IL34: variants seen among roughly 807,000 people sequenced by gnomAD.
The protein encoded by IL34 is interleukin 34.
Under a neutral mutation model 25.3 loss-of-function variants are expected in IL34, and 17 were observed. The ratio of observed to expected loss-of-function variants is 0.67; its 90% CI spans 0.46 to 1.01. The LOEUF is 1.01. Among genes scored for constraint, IL34 ranks in the 50% least tolerant of loss-of-function variants. IL34 has a pLI of 0.00. For missense variants in IL34, 368 were observed against 312.9 expected (o/e 1.18, Z -1.33); for synonymous variants, 174 against 140.9 (o/e 1.23, Z -1.66).
Position 70,654,691 on chromosome 16 carries a change from C to A in IL34, c.162+20C>A. ...TACATGGTAACCACGTGGGCACCAG[C>A]TGTGTCCCTGTCCCCGCGTCCCGGG... On this transcript the variant is annotated intron_variant, in intron 2 of 5. Coordinates refer to ENST00000288098, the MANE Select transcript of IL34 (RefSeq NM_001393494.1). 3 of 1,587,734 alleles carry A rather than the reference C, an allele frequency of 1.9e-6. No homozygotes were observed. The highest frequency in any genetic ancestry group is 1.7e-4 in the Middle Eastern group (1 of 5,962).
intron 1 of IL34, among the ~76,000 whole-genome samples, chr16:70,617,659 G>A (rs1458617927): frequency 6.6e-6 from 1 of 152,154 alleles, no homozygotes; most frequent in Non-Finnish European, 1.5e-5. Flanking sequence ...TTTTAAGTTG[G>A]TGGCTGAGCT....
intron 1 of IL34, among the ~76,000 whole-genome samples, chr16:70,651,587 G>A (rs1331155901): frequency 1.3e-5 from 2 of 152,058 alleles, no homozygotes; most frequent in East Asian, 1.9e-4. Flanking sequence ...CCTGAGCAGG[G>A]CAGGTTTGGA....
intron 1 of IL34, among the ~76,000 whole-genome samples, chr16:70,608,971 C>G (rs1266047859): frequency 6.6e-6 from 1 of 152,142 alleles, no homozygotes. Context: ...ATCATGCCTT[C>G]CTTCCATGTG....
rs577268321 is a variant in IL34 at position 70,637,187 on chromosome 16, G to C, written c.-400-9361G>C. On this transcript the variant is annotated intron_variant, in intron 1 of 6. Coordinates refer to the IL34 transcript ENST00000429149. Reference sequence around the variant, plus strand: ...CCCTTCCCCATTTTTAATTTTTTCAGTTTATTTTTTCTTTTTGCCTCTAGC... The same window carrying C: ...CCCTTCCCCATTTTTAATTTTTTCACTTTATTTTTTCTTTTTGCCTCTAGC... 1.4e-4 allele frequency among the ~76,000 whole-genome samples: 21 copies of C among 151,884 alleles called. No homozygotes were observed. The South Asian group carries it at 1.5e-3, about 11-fold the overall frequency.
At chr16:70,636,585 TCACACACACACACACA>T (rs34816911) in intron 1 of IL34, among the ~76,000 whole-genome samples, 28 of 136,480 alleles carry the variant, frequency 2.1e-4, no homozygotes, top group East Asian at 1.3e-3. Context: ...GCAAACCCTG[TCACACACACACACACA>T]CACACACACA....
Position 70,656,981 on chromosome 16 carries a change from C to G in IL34, c.262C>G (p.Arg88Gly). Residue 88 changes from arginine to glycine, a missense_variant, in exon 4 of 6, where the codon CGG (arginine) becomes GGG (glycine). Arg to Gly is a moderately radical substitution (Grantham distance 125, BLOSUM62 -2). Coordinates refer to ENST00000288098, the MANE Select transcript of IL34 (RefSeq NM_001393494.1). ...GCAGCAGAGGGCCCAGGTGAGCGAG[C>G]GGGAGCTGCGGTATCTGTGGGTCTT... The part of the protein sequence containing the change: ...TRLQRAQVSE[R>G]ELRYLWVLVS... 1 of 1,609,940 alleles carries G rather than the reference C, an allele frequency of 6.2e-7. No individual in the cohort carries two copies. Among genetic ancestry groups the G allele is most frequent in the South Asian group, 1.1e-5 (1 of 90,768 alleles).
chr16:70,617,197 G>C (rs2051186308), intron 1 of IL34, among the ~76,000 whole-genome samples: 1 of 152,222 alleles, frequency 6.6e-6, no homozygotes, highest in Admixed American at 6.5e-5. Flanking sequence ...AAACTAAATG[G>C]AATAAGAGAA....
chr16:70,594,996 C>T (rs901423727), intron 1 of IL34, among the ~76,000 whole-genome samples: 2 of 151,034 alleles, frequency 1.3e-5, no homozygotes, highest in African/African-American at 4.9e-5. Context: ...CCTCTGTCGC[C>T]CAGGCTGGAG....
chr16:70,621,081 C>T (rs928139769), intron 1 of IL34, among the ~76,000 whole-genome samples: 4 of 152,008 alleles, frequency 2.6e-5, no homozygotes, highest in Non-Finnish European at 5.9e-5. Context: ...TTAGGGGGTT[C>T]TTGCCCCCTA....
chr16:70,650,650 C>G (rs943962558), intron 1 of IL34, among the ~76,000 whole-genome samples: 1 of 152,134 alleles, frequency 6.6e-6, no homozygotes. Context: ...CCTTGTGGAC[C>G]AGAGGTGGCT....
chr16:70,627,620 CACCAT>C (rs2051425145), intron 1 of IL34, among the ~76,000 whole-genome samples: 1 of 152,116 alleles, frequency 6.6e-6, no homozygotes, highest in Admixed American at 6.6e-5. Context: ...AGGCACAAGC[CACCAT>C]ACCTGGCTAA....
intron 1 of IL34, chr16:70,654,261 G>T (rs573280667): frequency 6.7e-6 from 2 of 299,336 alleles, no homozygotes; most frequent in Admixed American, 4.9e-5. Flanking sequence ...GAAGCGGGGA[G>T]ACCAGACGTC....
At chr16:70,588,833 C>G (rs1282322388) in intron 1 of IL34, among the ~76,000 whole-genome samples, 5 of 152,110 alleles carry the variant, frequency 3.3e-5, no homozygotes, top group Admixed American at 6.6e-5. Context: ...ACTTATGTAA[C>G]GGAGCCAGAG....
At chr16:70,654,383 G>A in intron 1 of IL34, 155 bp from the exon 2 acceptor site, 1 of 990,860 alleles carries the variant, frequency 1.0e-6, no homozygotes, top group East Asian at 2.7e-5. Flanking sequence ...AGACCCCAGG[G>A]AAAGCATTCC....
chr16:70,599,293 C>CTTTCTTTTTTTCTTTCTTTCTTTCTTCT (rs113794220), intron 1 of IL34, among the ~76,000 whole-genome samples: 1 of 132,702 alleles, frequency 7.5e-6, no homozygotes, highest in African/African-American at 3.0e-5. Flanking sequence ...TTCTTTCTTT[C>CTTTCTTTTTTTCTTTCTTTCTTTCTTCT]TTCTTTCTTT....
Position 70,660,099 on chromosome 16 carries a change from C to G in IL34, c.641C>G (p.Pro214Arg). 1 of 1,613,592 alleles carries G rather than the reference C, an allele frequency of 6.2e-7. No individual in the cohort carries two copies. Among genetic ancestry groups the G allele is most frequent in the Non-Finnish European group, 8.5e-7 (1 of 1,179,860 alleles). ...CAGTATGCGGCCACCCAGCTGTACC[C>G]TCCGCCCCCGTGGTCCCCCAGCTCC... is the stretch of plus-strand genomic sequence containing the variant. ...SLQYAATQLY[P>R]PPPWSPSSPP... Residue 214 changes from proline to arginine, a missense_variant, in exon 6 of 6, where the codon CCT (proline) becomes CGT (arginine). Coordinates refer to ENST00000288098, the MANE Select transcript of IL34 (RefSeq NM_001393494.1).
intron 1 of IL34, among the ~76,000 whole-genome samples, chr16:70,638,291 A>G (rs1300796981): frequency 6.6e-6 from 1 of 152,172 alleles, no homozygotes; most frequent in Non-Finnish European, 1.5e-5. Context: ...AGCCTGGGCA[A>G]CTTAGCAAGA....
intron 4 of IL34, among the ~76,000 whole-genome samples, chr16:70,658,164 T>C (rs928226380): frequency 2.0e-5 from 3 of 152,190 alleles, no homozygotes; most frequent in Admixed American, 6.5e-5. Context: ...CGGGAGAACA[T>C]CCCAGGCCAA....
At chr16:70,651,125 C>T (rs1489757479) in intron 1 of IL34, among the ~76,000 whole-genome samples, 1 of 151,734 alleles carries the variant, frequency 6.6e-6, no homozygotes, top group Non-Finnish European at 1.5e-5. Flanking sequence ...GAAGGTGGTG[C>T]TGGAGACAGA....
Sources: gnomAD v4.1 joint callset for allele counts (sites outside exome capture counted in the v4.1 genomes callset) on GRCh38, gnomAD v4.1.1 for gene constraint, MANE v1.5 for transcripts, NCBI Gene and HGNC (gene_info 2026-07-23, HGNC 2026-07-21) for gene names.